Variants in SPATA16 observed in about 807,000 individuals in gnomAD.
The protein encoded by SPATA16 is spermatogenesis associated 16.
SPATA16 carries 36 observed loss-of-function variants against 63.3 expected under a neutral mutation model. That is an observed-to-expected ratio of 0.57 (90% CI 0.44 to 0.75). The LOEUF is 0.75. Among genes scored for constraint, SPATA16 ranks in the 30% least tolerant of loss-of-function variants. The probability of loss-of-function intolerance (pLI) is 0.00; values close to 1 mark genes in which losing one functional copy is unlikely to be tolerated. For synonymous variants in SPATA16, 203 were observed against 216.7 expected (o/e 0.94, Z 0.56); for missense variants, 646 against 679.3 (o/e 0.95, Z 0.54).
chr3:172,891,789 C>A (rs1731900329), intron 10 of SPATA16, among the ~76,000 whole-genome samples: 1 of 152,178 alleles, frequency 6.6e-6, no homozygotes, highest in Non-Finnish European at 1.5e-5. Flanking sequence ...ACTTACATAT[C>A]CTCTAGATTT....
At chr3:173,010,555 G>T (rs991643567) in intron 4 of SPATA16, among the ~76,000 whole-genome samples, 3 of 151,904 alleles carry the variant, frequency 2.0e-5, no homozygotes, top group Admixed American at 1.3e-4. Context: ...TACCCCTGCT[G>T]CCCCCAGGCT....
rs185989051 is a variant in SPATA16, at chr3:173,135,459, A to G, written c.-19+5644T>C. Reference sequence around the variant, plus strand: ...GATTTTTTCCTATATACCCAGCAGAAATGCATACAAGAACGTTCACAGTAG... The same window carrying G: ...GATTTTTTCCTATATACCCAGCAGAGATGCATACAAGAACGTTCACAGTAG... On this transcript the variant is annotated intron_variant, in intron 1 of 10. Transcript: ENST00000351008. Among the ~76,000 whole-genome samples the G allele has an allele frequency of 2.4e-3, 373 of 152,292 alleles. 2 individuals carry two copies. The highest frequency in any genetic ancestry group is 8.0e-3 in the African/African-American group (331 of 41,558).
chr3:172,912,814 A>C (rs79169338), intron 10 of SPATA16, among the ~76,000 whole-genome samples: 2,127 of 152,280 alleles, frequency 0.014, 50 homozygotes, highest in African/African-American at 0.048. Flanking sequence ...GCCAAAAGCT[A>C]ATTGTAGATT....
chr3:172,976,723 A>T (rs1194208753), intron 5 of SPATA16, among the ~76,000 whole-genome samples: 1 of 152,094 alleles, frequency 6.6e-6, no homozygotes, highest in Non-Finnish European at 1.5e-5. Context: ...AGTTCCTGGG[A>T]TCTCTAAAAT....
chr3:172,897,574 A>G (rs183907034), intron 10 of SPATA16, among the ~76,000 whole-genome samples: 3 of 152,254 alleles, frequency 2.0e-5, no homozygotes, highest in Admixed American at 2.0e-4. Flanking sequence ...CTTAAATTTT[A>G]GTGTCCCTGA....
At chr3:173,071,684 G>T (rs966366725) in intron 2 of SPATA16, among the ~76,000 whole-genome samples, 3 of 152,106 alleles carry the variant, frequency 2.0e-5, no homozygotes, top group Admixed American at 1.3e-4. Flanking sequence ...ACATGCAAAT[G>T]GCCAACAGGT....
chr3:173,026,998 T>C (rs769842635), intron 3 of SPATA16, among the ~76,000 whole-genome samples: 4 of 151,918 alleles, frequency 2.6e-5, no homozygotes, highest in Non-Finnish European at 5.9e-5. Flanking sequence ...ATAGAAAACT[T>C]TAAGATCTAT....
intron 3 of SPATA16, among the ~76,000 whole-genome samples, chr3:173,038,387 T>C (rs1735762553): frequency 6.6e-6 from 1 of 152,046 alleles, no homozygotes; most frequent in South Asian, 2.1e-4. Flanking sequence ...GCCGATTCAG[T>C]GGGAATGAGC....
chr3:173,100,097 C>G (rs1737454640), intron 2 of SPATA16, among the ~76,000 whole-genome samples: 1 of 152,158 alleles, frequency 6.6e-6, no homozygotes, highest in Non-Finnish European at 1.5e-5. Context: ...GCCACTAAAG[C>G]TGAGAGAAAT....
At chr3:172,930,377 T>G (rs13099104) in intron 6 of SPATA16, among the ~76,000 whole-genome samples, 77,637 of 151,806 alleles carry the variant, frequency 0.51, 23,021 homozygotes, top group South Asian at 0.67. Context: ...TTCACTGCCT[T>G]TGCTTATCTG....
chr3:173,018,343 C>T (rs1047405254), intron 4 of SPATA16, among the ~76,000 whole-genome samples: 3 of 149,984 alleles, frequency 2.0e-5, no homozygotes, highest in Non-Finnish European at 3.0e-5. Flanking sequence ...GGCGCGATCT[C>T]GGCTCACCAC....
At chr3:172,941,832 A>G (rs1733153378) in intron 6 of SPATA16, among the ~76,000 whole-genome samples, 1 of 152,150 alleles carries the variant, frequency 6.6e-6, no homozygotes, top group African/African-American at 2.4e-5. Flanking sequence ...GTCAGGGAAA[A>G]TATCAGGTTA....
At position 172,897,465 on chromosome 3, in the gene SPATA16, A is replaced by T. The variant is rs145125722; in HGVS notation, c.1588-7773T>A. ...TCCATTTATTTAGATCTTTGATTTC[A>T]TCACTGTTTTGTAATTTTAGGCATA... On this transcript the variant is annotated intron_variant, in intron 10 of 10. Transcript: ENST00000351008. 3.3e-3 allele frequency among the ~76,000 whole-genome samples: 499 copies of T among 152,232 alleles called. 6 individuals are homozygous for T. The highest frequency in any genetic ancestry group is 0.011 in the African/African-American group (475 of 41,570).
At chr3:173,067,350 C>A (rs1736545956) in intron 2 of SPATA16, among the ~76,000 whole-genome samples, 1 of 152,044 alleles carries the variant, frequency 6.6e-6, no homozygotes, top group African/African-American at 2.4e-5. Context: ...GAACAGAAAA[C>A]AAATACCACA....
intron 3 of SPATA16, among the ~76,000 whole-genome samples, chr3:173,040,820 A>T (rs550890020): frequency 2.6e-5 from 4 of 152,228 alleles, no homozygotes; most frequent in Middle Eastern, 3.4e-3. Context: ...GAGATAGCTT[A>T]TAAAGGGCCC....
intron 2 of SPATA16, among the ~76,000 whole-genome samples, chr3:173,084,887 T>C (rs567780111): frequency 1.3e-5 from 2 of 152,322 alleles, no homozygotes; most frequent in African/African-American, 4.8e-5. Flanking sequence ...ATGTCTGTTT[T>C]TGTACCAGTA....
chr3:173,087,054 C>T (rs1326717969), intron 2 of SPATA16, among the ~76,000 whole-genome samples: 1 of 152,056 alleles, frequency 6.6e-6, no homozygotes. Context: ...CCCCTTTATC[C>T]AGAGCTGAGT....
chr3:173,122,043 A>G (rs959181840), intron 1 of SPATA16, among the ~76,000 whole-genome samples: 8 of 152,328 alleles, frequency 5.3e-5, no homozygotes, highest in Admixed American at 2.6e-4. Context: ...TCAAAGAAGT[A>G]TTTGTTGGTA....
intron 6 of SPATA16, among the ~76,000 whole-genome samples, chr3:172,937,707 G>T (rs1225271779): frequency 2.0e-5 from 3 of 152,118 alleles, no homozygotes; most frequent in African/African-American, 7.2e-5. Flanking sequence ...TACCCAGGGG[G>T]TATATTTTAT....
Sources: gnomAD v4.1 joint callset for allele counts (sites outside exome capture counted in the v4.1 genomes callset) on GRCh38, gnomAD v4.1.1 for gene constraint, MANE v1.5 for transcripts, NCBI Gene and HGNC (gene_info 2026-07-23, HGNC 2026-07-21) for gene names.